The following THSD7A variants were observed in gnomAD, a reference collection of about 807,000 sequenced individuals.
THSD7A encodes the protein thrombospondin type 1 domain containing 7A.
A neutral mutation model predicts 231.3 loss-of-function variants in THSD7A; 96 were observed. That is an observed-to-expected ratio of 0.41 (90% CI 0.35 to 0.49). The LOEUF is 0.49. Ranked by LOEUF, THSD7A falls within the 20% of genes least tolerant of loss-of-function variation. The pLI is 0.05. For missense variants in THSD7A, 2,290 were observed against 2,070.2 expected (o/e 1.11, Z -2.06); for synonymous variants, 940 against 743.3 (o/e 1.26, Z -4.30).
chr7:11,460,895 A>C (rs1785482594), intron 10 of THSD7A, 130 bp from the exon 11 acceptor site: 1 of 655,816 alleles, frequency 1.5e-6, no homozygotes, highest in Non-Finnish European at 2.6e-6. Flanking sequence ...AGTTCTATCT[A>C]AATTTAATTT....
At chr7:11,624,742 G>C (rs1473017010) in intron 2 of THSD7A, among the ~76,000 whole-genome samples, 1 of 151,900 alleles carries the variant, frequency 6.6e-6, no homozygotes, top group East Asian at 1.9e-4. Flanking sequence ...CAAAATCTCT[G>C]GGCCAACCCA....
In THSD7A at chr7:11,420,068, G is replaced by A. The variant is rs568946887; in HGVS notation, c.3384-2465C>T. Among the ~76,000 whole-genome samples, 4 of 152,286 alleles carry A rather than the reference G, an allele frequency of 2.6e-5. No homozygotes were observed. In the East Asian group the frequency reaches 5.8e-4, roughly 22 times the overall value. ...GGAACTTATATTTAAAAAGTAAGAA[G>A]AGCATAAAAGTTTAGAAAATTTGCA... On this transcript the variant is annotated intron_variant, in intron 16 of 27. Coordinates refer to ENST00000423059, the MANE Select transcript of THSD7A (RefSeq NM_015204.3).
intron 6 of THSD7A, among the ~76,000 whole-genome samples, chr7:11,523,753 C>T (rs189237156): frequency 2.0e-5 from 3 of 152,098 alleles, no homozygotes; most frequent in Admixed American, 6.6e-5. Context: ...GTCTGTTGTA[C>T]GTAGTAATTA....
chr7:11,579,764 G>C (rs1393234292), intron 4 of THSD7A, among the ~76,000 whole-genome samples: 3 of 152,134 alleles, frequency 2.0e-5, no homozygotes, highest in Non-Finnish European at 4.4e-5. Flanking sequence ...GAAAGGTCCA[G>C]TTCACTTTGG....
chr7:11,435,832 G>GGC (rs1784616308), intron 13 of THSD7A, among the ~76,000 whole-genome samples: 3 of 152,056 alleles, frequency 2.0e-5, no homozygotes, highest in African/African-American at 7.2e-5. Flanking sequence ...CTTGTGAGAA[G>GGC]TAAGGTTGGC....
intron 4 of THSD7A, among the ~76,000 whole-genome samples, chr7:11,569,875 T>C (rs142708652): frequency 0.012 from 1,762 of 152,240 alleles, 10 homozygotes; most frequent in Middle Eastern, 0.034. Context: ...CATTTGCAGC[T>C]ACATGGATGA....
intron 1 of THSD7A, among the ~76,000 whole-genome samples, chr7:11,650,401 G>C (rs552158503): frequency 6.6e-6 from 1 of 151,958 alleles, no homozygotes; most frequent in Non-Finnish European, 1.5e-5. Flanking sequence ...CATCTACAAT[G>C]CATCCCAAGA....
At chr7:11,706,082 A>G (rs749353991) in intron 1 of THSD7A, among the ~76,000 whole-genome samples, 12 of 151,148 alleles carry the variant, frequency 7.9e-5, no homozygotes, top group Non-Finnish European at 1.5e-4. Context: ...CAGAATTACA[A>G]TAATTTTACA....
At chr7:11,617,892 C>T (rs1185548071) in intron 2 of THSD7A, among the ~76,000 whole-genome samples, 1 of 152,064 alleles carries the variant, frequency 6.6e-6, no homozygotes, top group Admixed American at 6.6e-5. Context: ...ATGTAAATGA[C>T]AAGTTAATGG....
intron 1 of THSD7A, among the ~76,000 whole-genome samples, chr7:11,660,797 T>C (rs902664452): frequency 6.6e-6 from 1 of 151,416 alleles, no homozygotes; most frequent in African/African-American, 2.4e-5. Context: ...AACAAAGAAG[T>C]CTTTTACTTC....
intron 1 of THSD7A, among the ~76,000 whole-genome samples, chr7:11,824,047 T>C (rs1784954259): frequency 1.3e-5 from 2 of 152,222 alleles, no homozygotes; most frequent in Admixed American, 6.5e-5. Flanking sequence ...CATTTAATGC[T>C]GTCATCACTT....
intron 2 of THSD7A, among the ~76,000 whole-genome samples, chr7:11,621,094 A>G (rs766936356): frequency 4.6e-5 from 7 of 152,172 alleles, no homozygotes; most frequent in Non-Finnish European, 1.0e-4. Context: ...TTTCAAATTG[A>G]TCTGTTTCAC....
chr7:11,682,359 A>G (rs1171143779), intron 1 of THSD7A, among the ~76,000 whole-genome samples: 1 of 152,114 alleles, frequency 6.6e-6, no homozygotes, highest in Non-Finnish European at 1.5e-5. Context: ...TAAGAGATCT[A>G]TCTCAAATGT....
intron 6 of THSD7A, among the ~76,000 whole-genome samples, chr7:11,519,211 G>GGCC: frequency 6.6e-6 from 1 of 152,058 alleles, no homozygotes; most frequent in South Asian, 2.1e-4. Flanking sequence ...CTGGGTAATC[G>GGCC]CTTTGCAGAT....
intron 2 of THSD7A, among the ~76,000 whole-genome samples, chr7:11,596,727 T>C (rs934568866): frequency 1.3e-5 from 2 of 152,226 alleles, no homozygotes; most frequent in Non-Finnish European, 2.9e-5. Context: ...AGAAGACAGA[T>C]GGATCTTGGA....
intron 19 of THSD7A, chr7:11,410,566 T>C (rs1312290957): frequency 6.6e-6 from 1 of 152,204 alleles, no homozygotes; most frequent in Admixed American, 6.5e-5. Flanking sequence ...CAACATAAAG[T>C]GTAGCTTCAT....
intron 2 of THSD7A, among the ~76,000 whole-genome samples, chr7:11,620,371 A>G (rs1781263545): frequency 6.6e-6 from 1 of 152,340 alleles, no homozygotes; most frequent in African/African-American, 2.4e-5. Context: ...AATTACATGT[A>G]GAAGAAGTAT....
chr7:11,704,312 A>G (rs994620304), intron 1 of THSD7A, among the ~76,000 whole-genome samples: 2 of 151,084 alleles, frequency 1.3e-5, no homozygotes, highest in Non-Finnish European at 3.0e-5. Flanking sequence ...ATACTATTAA[A>G]ACATAATAGA....
chr7:11,601,992 A>C (rs1562760874), intron 2 of THSD7A, among the ~76,000 whole-genome samples: 1 of 152,156 alleles, frequency 6.6e-6, no homozygotes, highest in Non-Finnish European at 1.5e-5. Flanking sequence ...TAAACTGGCT[A>C]TAAATCTGTT....
Sources: gnomAD v4.1 joint callset for allele counts (sites outside exome capture counted in the v4.1 genomes callset) on GRCh38, gnomAD v4.1.1 for gene constraint, MANE v1.5 for transcripts, NCBI Gene and HGNC (gene_info 2026-07-23, HGNC 2026-07-21) for gene names.